The following ADCY10 variants were observed in gnomAD, a reference collection of about 807,000 sequenced individuals.
ADCY10 encodes the protein adenylate cyclase 10.
In ADCY10, 156 loss-of-function variants were observed where a neutral mutation model predicts 183.3. The ratio of observed to expected loss-of-function variants is 0.85; its 90% CI spans 0.75 to 0.97. The LOEUF (loss-of-function observed/expected upper bound fraction) is 0.97. ADCY10 is among the 50% of genes least tolerant of loss of function. ADCY10 has a pLI of 0.00. For synonymous variants in ADCY10, 645 were observed against 670.0 expected, an observed-to-expected ratio of 0.96 and a Z score of 0.58; for missense variants, 1,745 against 1,934.3, an observed-to-expected ratio of 0.90 and a Z score of 1.84.
chr1:167,824,383 T>C, intron 28 of ADCY10, 93 bp downstream of exon 28: 3 of 1,042,640 alleles, frequency 2.9e-6, no homozygotes, highest in Non-Finnish European at 4.5e-6. Context: ...TCTACTCCCT[T>C]CCCCACCCTA....
intron 6 of ADCY10, among the ~76,000 whole-genome samples, chr1:167,897,368 A>G (rs1434628632): frequency 6.6e-6 from 1 of 150,502 alleles, no homozygotes; most frequent in Non-Finnish European, 1.5e-5. Context: ...GTAGTGGCAC[A>G]TGTCTGTGGT....
At chr1:167,817,275 G>C (rs1218723158) in intron 31 of ADCY10, among the ~76,000 whole-genome samples, 2 of 152,370 alleles carry the variant, frequency 1.3e-5, no homozygotes, top group South Asian at 4.1e-4. Flanking sequence ...TGAGGTACGA[G>C]AATTGTTTGA....
At chr1:167,893,593 GGCT>G (rs1668744260) in intron 8 of ADCY10, among the ~76,000 whole-genome samples, 1 of 151,054 alleles carries the variant, frequency 6.6e-6, no homozygotes, top group South Asian at 2.1e-4. Context: ...GCATGTGGGA[GGCT>G]GAGGCAGGAG....
chr1:167,833,007 G>A lies in ADCY10; in HGVS notation c.3573C>T (p.Ala1191=), dbSNP rs2101901960. ...CTTACCCTGGAGGTGGGCTCTCTTG[G>A]GCCTGCCGATTCACATAATGAAAGT... is the stretch of plus-strand genomic sequence containing the variant. The part of the protein sequence containing the change: ...NRHFHYVNRQ[A]QESPPPGKKR... The change falls in exon 25 of 33, where the codon GCC becomes GCT. Residue 1191 remains alanine, a synonymous_variant. Transcript: ENST00000367851. 6.2e-7 allele frequency: 1 copy of A among 1,613,918 alleles called. No homozygotes were observed. The highest frequency in any genetic ancestry group is 2.2e-5 in the East Asian group (1 of 44,868).
intron 1 of ADCY10, among the ~76,000 whole-genome samples, chr1:167,913,465 A>G (rs974172037): frequency 2.6e-5 from 4 of 152,040 alleles, no homozygotes; most frequent in African/African-American, 9.7e-5. Flanking sequence ...TTGCTTGCCT[A>G]CTCTAGCCAT....
In ADCY10 at chr1:167,810,739, G is replaced by A. The variant is rs780138902; in HGVS notation, c.4657C>T (p.Leu1553=). Reference sequence around the variant, plus strand: ...ATGATACATACTTTGTTCATGTTCAGCCAGCATTTCTCCAGTATATTCCCC... The same window carrying A: ...ATGATACATACTTTGTTCATGTTCAACCAGCATTTCTCCAGTATATTCCCC... ...TQGNILEKCW[L]NMNKESWYST... is the part of the protein sequence containing the mutation. Residue 1553 remains leucine, a synonymous_variant, in exon 32 of 33, where the codon CTG becomes TTG. Transcript: ENST00000367851. The A allele has an allele frequency of 6.2e-7, 1 of 1,614,160 alleles. No homozygotes were observed. The highest frequency in any genetic ancestry group is 8.5e-7 in the Non-Finnish European group (1 of 1,180,018).
At chr1:167,853,830 C>CATT (rs1224227856) in intron 18 of ADCY10, among the ~76,000 whole-genome samples, 3 of 77,184 alleles carry the variant, frequency 3.9e-5, no homozygotes, top group Non-Finnish European at 2.4e-5. Flanking sequence ...ACTATAGTTA[C>CATT]TTTTTTTTTT....
chr1:167,887,902 T>C (rs1331224864), intron 8 of ADCY10, among the ~76,000 whole-genome samples: 1 of 152,176 alleles, frequency 6.6e-6, no homozygotes, highest in Non-Finnish European at 1.5e-5. Context: ...CCCAATGTTT[T>C]CTTGTAGTAG....
intron 1 of ADCY10, among the ~76,000 whole-genome samples, chr1:167,907,343 T>C (rs903655709): frequency 4.6e-5 from 7 of 152,240 alleles, no homozygotes; most frequent in African/African-American, 1.7e-4. Flanking sequence ...TGGCTTGAAA[T>C]AACAAAGGCT....
chr1:167,858,554 CAG>C (rs1476034679), intron 16 of ADCY10, among the ~76,000 whole-genome samples: 1 of 130,246 alleles, frequency 7.7e-6, no homozygotes, highest in African/African-American at 2.9e-5. Context: ...GAGAGAGAAA[CAG>C]ATATATAAGT....
At chr1:167,834,310 G>A in intron 23 of ADCY10, 1 of 584,198 alleles carries the variant, frequency 1.7e-6, no homozygotes, top group Non-Finnish European at 3.1e-6. Flanking sequence ...ACTCCATCAA[G>A]AGAATGAATC....
At chr1:167,888,435 T>C (rs1012700588) in intron 8 of ADCY10, among the ~76,000 whole-genome samples, 5 of 152,176 alleles carry the variant, frequency 3.3e-5, no homozygotes, top group African/African-American at 9.7e-5. Flanking sequence ...CCTCTTCAAC[T>C]TCTTGTGTCA....
At chr1:167,827,727 T>C (rs949452181) in intron 26 of ADCY10, among the ~76,000 whole-genome samples, 88 of 152,004 alleles carry the variant, frequency 5.8e-4, no homozygotes, top group African/African-American at 2.1e-3. Context: ...AAATTTTTTT[T>C]TTTGAGTTGG....
rs74120526 is a variant in ADCY10, at chr1:167,878,410, C to T, written c.1406+36G>A. On this transcript the variant is annotated intron_variant, in intron 12 of 32. Coordinates refer to ENST00000367851, the MANE Select transcript of ADCY10 (RefSeq NM_018417.6). ...CTATCATAATTCTCCCGCTTCTTTA[C>T]TAAAATATACTTCAAAATTAATGCT... is the stretch of plus-strand genomic sequence containing the variant. 11,667 of 1,604,454 alleles carry T rather than the reference C, an allele frequency of 7.3e-3. 609 individuals are homozygous for T. The African/African-American group carries it at 0.13, about 17-fold the overall frequency.
intron 30 of ADCY10, among the ~76,000 whole-genome samples, chr1:167,821,730 C>A (rs1662926660): frequency 6.6e-6 from 1 of 152,222 alleles, no homozygotes; most frequent in African/African-American, 2.4e-5. Context: ...AACCCCAGCA[C>A]CCCTCTGAAG....
intron 15 of ADCY10, among the ~76,000 whole-genome samples, chr1:167,860,512 G>A (rs74120516): frequency 0.024 from 3,612 of 152,222 alleles, 143 homozygotes; most frequent in African/African-American, 0.082. Flanking sequence ...CTAGTACCAG[G>A]GGTTGAGGAC....
At chr1:167,907,019 A>G (rs999337445) in intron 1 of ADCY10, among the ~76,000 whole-genome samples, 6 of 152,194 alleles carry the variant, frequency 3.9e-5, no homozygotes. Flanking sequence ...AAAGTATAAC[A>G]AGCATTGCTA....
At chr1:167,836,814 A>G (rs1290740712) in intron 22 of ADCY10, among the ~76,000 whole-genome samples, 10 of 152,210 alleles carry the variant, frequency 6.6e-5, no homozygotes, top group Non-Finnish European at 1.5e-4. Flanking sequence ...TCACGAGGTC[A>G]GGAGATCAAG....
At chr1:167,897,530 G>T (rs186653764) in intron 6 of ADCY10, among the ~76,000 whole-genome samples, 22 of 76 alleles carry the variant, frequency 0.29, 2 homozygotes, top group East Asian at 0.5. Context: ...TATATATATA[G>T]AGAGAGAGAG....
Sources: gnomAD v4.1 joint callset for allele counts (sites outside exome capture counted in the v4.1 genomes callset) on GRCh38, gnomAD v4.1.1 for gene constraint, MANE v1.5 for transcripts, NCBI Gene and HGNC (gene_info 2026-07-23, HGNC 2026-07-21) for gene names.